The following ZNF383 variants were observed in gnomAD, a reference collection of about 807,000 sequenced individuals.
The protein encoded by ZNF383 is zinc finger protein 383.
A neutral mutation model predicts 44.2 loss-of-function variants in ZNF383; 32 were observed. The observed-to-expected ratio is 0.72, with a 90% CI of 0.55 to 0.97. The LOEUF (loss-of-function observed/expected upper bound fraction) is 0.97, where lower values mean the gene tolerates loss of function less well. Among genes scored for constraint, ZNF383 ranks in the 50% least tolerant of loss-of-function variants. The pLI, the probability that ZNF383 is intolerant of heterozygous loss-of-function variation, is 0.00. For missense variants in ZNF383, 487 were observed against 562.5 expected, an observed-to-expected ratio of 0.87 and a Z score of 1.36; for synonymous variants, 155 against 186.2, an observed-to-expected ratio of 0.83 and a Z score of 1.36.
rs1277341574 is a variant in ZNF383 at position 37,244,974 on chromosome 19, T to C, written c.*1310T>C. 1 of 152,210 alleles carries C rather than the reference T, an allele frequency of 6.6e-6. No individual in the cohort carries two copies. Among genetic ancestry groups the C allele is most frequent in the Non-Finnish European group, 1.5e-5 (1 of 68,034 alleles). The allele number at this position is 152,210 out of a possible 1,614,324, so 9.4% of individuals were successfully genotyped here. On this transcript the variant is annotated 3_prime_UTR_variant, in exon 6 of 6. Coordinates refer to ENST00000684119, the MANE Select transcript of ZNF383 (RefSeq NM_001387601.1). ...TTTAAAATGACTATTCCCATTATGG[T>C]TGCCACTAAATTTTTGCAGCTATAA...
intron 2 of ZNF383, among the ~76,000 whole-genome samples, chr19:37,229,351 G>GT: frequency 6.7e-6 from 1 of 148,692 alleles, no homozygotes; most frequent in Non-Finnish European, 1.5e-5. Flanking sequence ...AGTAGAGACG[G>GT]TTTCTCCATG....
In ZNF383 at chr19:37,236,076, T is replaced by G. The variant is rs1599797273; in HGVS notation, c.232+2T>G. The stretch of plus-strand genomic sequence containing the variant: ...AGCTTACAAGAGGCCTGTGTTCAGG[T>G]AAGTGAGAAATGACCGGACAGGAGA... On this transcript the variant is annotated splice_donor_variant, in intron 5 of 5. Coordinates refer to ENST00000684119, the MANE Select transcript of ZNF383 (RefSeq NM_001387601.1). LOFTEE classifies it high-confidence loss of function. 6.2e-7 allele frequency: 1 copy of G among 1,611,556 alleles called. No homozygotes were observed. The highest frequency in any genetic ancestry group is 8.5e-7 in the Non-Finnish European group (1 of 1,178,698).
At chr19:37,221,294 A>T (rs556521413) in intron 1 of ZNF383, among the ~76,000 whole-genome samples, 11 of 152,326 alleles carry the variant, frequency 7.2e-5, no homozygotes, top group African/African-American at 2.6e-4. Flanking sequence ...TATAACATAC[A>T]TTCTGGGGCC....
chr19:37,224,678 G>C (rs116487830), intron 1 of ZNF383, 140 bp from the exon 2 acceptor site: 1 of 151,602 alleles, frequency 6.6e-6, no homozygotes. Flanking sequence ...ACAGCCTCCC[G>C]GGTAGCTGGG....
intron 1 of ZNF383, among the ~76,000 whole-genome samples, chr19:37,221,955 C>CAAAAAAA (rs71177435): frequency 3.2e-5 from 3 of 93,946 alleles, no homozygotes; most frequent in African/African-American, 3.7e-5. Context: ...GACTCTGTCT[C>CAAAAAAA]AAAAAAAAAA....
intron 2 of ZNF383, among the ~76,000 whole-genome samples, chr19:37,225,368 A>G (rs1340268165): frequency 1.3e-5 from 2 of 152,252 alleles, no homozygotes; most frequent in African/African-American, 2.4e-5. Flanking sequence ...TGCTGGGATT[A>G]CAGGTGTGAA....
chr19:37,223,850 G>A (rs1973036207), intron 1 of ZNF383, among the ~76,000 whole-genome samples: 1 of 151,906 alleles, frequency 6.6e-6, no homozygotes, highest in African/African-American at 2.4e-5. Flanking sequence ...TGGCCAAGAT[G>A]GTGAAACCCC....
intron 1 of ZNF383, among the ~76,000 whole-genome samples, chr19:37,222,806 T>C (rs953760622): frequency 1.3e-5 from 2 of 152,226 alleles, no homozygotes. Context: ...AATGCATTTG[T>C]CTTGGGTGTA....
chr19:37,228,232 G>A (rs1973280945), intron 2 of ZNF383, among the ~76,000 whole-genome samples: 1 of 152,322 alleles, frequency 6.6e-6, no homozygotes, highest in East Asian at 1.9e-4. Context: ...TAGTGGCCCA[G>A]TCTGGGCATA....
Position 37,245,133 on chromosome 19 carries a change from G to A in ZNF383, c.*1469G>A, listed in dbSNP as rs992114332. Reference sequence around the variant, plus strand: ...GTGAAACCCCGTCTCTACTTAGCTGGGCGTGGTGGCATGTACCTGTAATCC... The same window carrying A: ...GTGAAACCCCGTCTCTACTTAGCTGAGCGTGGTGGCATGTACCTGTAATCC... On this transcript the variant is annotated 3_prime_UTR_variant, in exon 6 of 6. Transcript: ENST00000684119. The A allele has an allele frequency of 6.6e-6, 1 of 151,928 alleles. No homozygotes were observed. The highest frequency in any genetic ancestry group is 1.5e-5 in the Non-Finnish European group (1 of 68,044). 9.4% of individuals were successfully genotyped at this position (151,928 alleles called of 1,614,324 possible).
intron 3 of ZNF383, among the ~76,000 whole-genome samples, chr19:37,234,992 G>A (rs1192771856): frequency 6.6e-6 from 1 of 152,108 alleles, no homozygotes; most frequent in Non-Finnish European, 1.5e-5. Context: ...CCACAATCTA[G>A]GCTGGGTACA....
At chr19:37,235,763 C>A in intron 4 of ZNF383, 88 bp downstream of exon 4, 1 of 1,449,124 alleles carries the variant, frequency 6.9e-7, no homozygotes, top group Non-Finnish European at 9.3e-7. Context: ...TTTCAGGTTA[C>A]TAGCTGAATT....
chr19:37,225,481 A>G (rs371478616), intron 2 of ZNF383, among the ~76,000 whole-genome samples: 152 of 152,290 alleles, frequency 1.0e-3, no homozygotes, highest in African/African-American at 3.3e-3. Context: ...AAACTGAATT[A>G]TAACTATTAA....
rs1399426763 is a variant in ZNF383 at position 37,224,841 on chromosome 19, A to C, written c.-144A>C. ...AGACGGAGTCTCACTCTGTTGCCCA[A>C]GCTGGAGTGCAGTGGCATGATCTCA... is the stretch of plus-strand genomic sequence containing the variant. On this transcript the variant is annotated 5_prime_UTR_variant, in exon 2 of 6. Coordinates refer to ENST00000684119, the MANE Select transcript of ZNF383 (RefSeq NM_001387601.1). The C allele has an allele frequency of 6.6e-6, 1 of 150,884 alleles. No individual in the cohort carries two copies. The highest frequency in any genetic ancestry group is 1.9e-4 in the East Asian group (1 of 5,136). The allele number at this position is 150,884 out of a possible 1,614,324, so 9.3% of individuals were successfully genotyped here. A position where few individuals can be genotyped will look rare whatever the true frequency, so the allele number is the denominator to read the frequency against.
At chr19:37,230,537 T>C (rs1160584318) in intron 3 of ZNF383, 75 bp downstream of exon 3, 16 of 1,534,230 alleles carry the variant, frequency 1.0e-5, no homozygotes, top group Non-Finnish European at 1.4e-5. Flanking sequence ...TTTGCTTTCC[T>C]TATCCTGACA....
At chr19:37,218,506 C>G (rs184656932) in intron 1 of ZNF383, among the ~76,000 whole-genome samples, 3 of 152,064 alleles carry the variant, frequency 2.0e-5, no homozygotes, top group African/African-American at 7.2e-5. Flanking sequence ...CAATGTAAGG[C>G]TGTATGTGTA....
At chr19:37,236,140 A>G in intron 5 of ZNF383, 66 bp downstream of exon 5, 1 of 1,260,430 alleles carries the variant, frequency 7.9e-7, no homozygotes, top group South Asian at 1.4e-5. Context: ...TCAGGGAGGA[A>G]ACAGCACCTT....
intron 5 of ZNF383, among the ~76,000 whole-genome samples, chr19:37,237,251 A>G (rs1404462729): frequency 6.6e-6 from 1 of 152,204 alleles, no homozygotes; most frequent in Non-Finnish European, 1.5e-5. Context: ...GAGAAATGAG[A>G]TAAGGAGTTT....
chr19:37,229,636 A>G (rs144773407), intron 2 of ZNF383, among the ~76,000 whole-genome samples: 1,748 of 135,462 alleles, frequency 0.013, 34 homozygotes, highest in African/African-American at 0.044. Context: ...GTGTGTGTAT[A>G]TATATATATA....
Sources: gnomAD v4.1 joint callset for allele counts (sites outside exome capture counted in the v4.1 genomes callset) on GRCh38, gnomAD v4.1.1 for gene constraint, MANE v1.5 for transcripts, NCBI Gene and HGNC (gene_info 2026-07-23, HGNC 2026-07-21) for gene names.